The following PDE4DIP variants were observed in gnomAD, a reference collection of about 807,000 sequenced individuals.
The protein encoded by PDE4DIP is phosphodiesterase 4D interacting protein.
Under a neutral mutation model 221.4 loss-of-function variants are expected in PDE4DIP, and 59 were observed. The observed-to-expected ratio is 0.27, with a 90% CI of 0.22 to 0.33. The LOEUF (loss-of-function observed/expected upper bound fraction) is 0.33, where lower values mean the gene tolerates loss of function less well. Among genes scored for constraint, PDE4DIP ranks in the 10% least tolerant of loss-of-function variants. The pLI is 1.00. For missense variants in PDE4DIP, 1,036 were observed against 2,154.2 expected (o/e 0.48, Z 10.28); for synonymous variants, 404 against 815.9 (o/e 0.50, Z 8.60).
exon 5 of PDE4DIP, chr1:148,937,805 T>C: frequency 9.1e-7 from 1 of 1,101,944 alleles, no homozygotes; most frequent in Admixed American, 1.8e-5. Context: ...AGAACAGCTA[T>C]CTCGGGAGAA....
intron 21 of PDE4DIP, chr1:148,990,189 C>G (rs1323938507): frequency 1.0e-6 from 1 of 983,974 alleles, no homozygotes; most frequent in Admixed American, 6.2e-5. Flanking sequence ...TGAACTGCCC[C>G]CTCAAACATG....
intron 37 of PDE4DIP, among the ~76,000 whole-genome samples, chr1:149,023,532 T>C (rs1407935009): frequency 6.8e-6 from 1 of 147,516 alleles, no homozygotes; most frequent in Non-Finnish European, 1.5e-5. Flanking sequence ...GAGGTAAATA[T>C]ATATACATAT....
chr1:148,929,367 G>A (rs2047342030), intron 2 of PDE4DIP, 94 bp downstream of exon 5: 4 of 1,433,276 alleles, frequency 2.8e-6, no homozygotes, highest in Admixed American at 4.1e-5. Flanking sequence ...ACCTATCTGT[G>A]GCATTTGAAT....
Position 149,000,054 on chromosome 1 carries a change from T to C in PDE4DIP, c.3138-1537T>C, listed in dbSNP as rs1273212671. On this transcript the variant is annotated intron_variant, in intron 23 of 43. Transcript: ENST00000369354. ...AAAATACCTATCCCCTTTTTCTTTA[T>C]TGAGAAACTATCTCACAGATTGTCT... Among the ~76,000 whole-genome samples the C allele has an allele frequency of 3.9e-5, 6 of 152,028 alleles. No individual in the cohort carries two copies. The East Asian group carries it at 7.8e-4, about 20-fold the overall frequency.
Position 148,965,514 on chromosome 1 carries a change from G to A in PDE4DIP, c.1225G>A (p.Glu409Lys), listed in dbSNP as rs782682640. Residue 409 changes from glutamate to lysine, a missense_variant, in exon 10 of 44, where the codon GAA becomes AAA. Transcript: ENST00000369354. ...GCGAAAAGCCTTGCAGCAGCTACAA[G>A]AAGAATTGCAGAATAAGAGCCAACA... The A allele has an allele frequency of 1.9e-5, 31 of 1,613,434 alleles. 1 individual carries two copies. In the South Asian group the frequency reaches 3.3e-4, roughly 17 times the overall value.
At chr1:148,881,547 T>C (rs1459390001) in intron 3 of PDE4DIP, among the ~76,000 whole-genome samples, 8 of 141,492 alleles carry the variant, frequency 5.7e-5, no homozygotes, top group African/African-American at 2.3e-4. Flanking sequence ...CTTTAGTTTA[T>C]TCATCTTGAA....
chr1:149,007,217 A>T (rs148523430), exon 28 of PDE4DIP: 6 of 787,164 alleles, frequency 7.6e-6, no homozygotes, highest in Non-Finnish European at 8.9e-6. Flanking sequence ...TGATTCCCTG[A>T]TTCAGGATCA....
intron 19 of PDE4DIP, 49 bp downstream of exon 22, chr1:148,978,464 ATTC>A (rs2060564576): frequency 8.3e-7 from 1 of 1,206,776 alleles, no homozygotes; most frequent in Non-Finnish European, 1.2e-6. Context: ...ATTTTTTTGT[ATTC>A]TTTTTTTTTT....
chr1:148,970,113 G>A (rs1258745196), intron 14 of PDE4DIP, among the ~76,000 whole-genome samples: 13 of 150,862 alleles, frequency 8.6e-5, no homozygotes, highest in Admixed American at 2.0e-4. Context: ...CAGAATCCCC[G>A]TAGTCAGTTT....
Position 149,022,390 on chromosome 1 carries a change from A to T in PDE4DIP, c.6085+1237A>T, listed in dbSNP as rs371012320. On this transcript the variant is annotated intron_variant, in intron 37 of 43. Transcript: ENST00000369354. ...TTGAGGACATGAGAACTGGCTTCGGATATTTGAAGAAGTGTCAGGTGAAAA... is the reference window on the plus strand; with the variant it reads ...TTGAGGACATGAGAACTGGCTTCGGTTATTTGAAGAAGTGTCAGGTGAAAA... Among the ~76,000 whole-genome samples the T allele has an allele frequency of 6.4e-3, 970 of 150,646 alleles. 1 individual carries two copies. Among genetic ancestry groups the T allele is most frequent in the Middle Eastern group, 0.031 (9 of 292 alleles).
At chr1:149,010,065 T>C (rs1249598995) in intron 30 of PDE4DIP, among the ~76,000 whole-genome samples, 1 of 152,188 alleles carries the variant, frequency 6.6e-6, no homozygotes, top group Non-Finnish European at 1.5e-5. Flanking sequence ...CTCTTCTTCC[T>C]TGGTGACTCT....
exon 21 of PDE4DIP, chr1:148,981,319 T>C: frequency 1.2e-6 from 2 of 1,613,926 alleles, no homozygotes; most frequent in Non-Finnish European, 1.7e-6. Flanking sequence ...GGCTCAGGTG[T>C]TACGCAGTCG....
chr1:149,009,812 G>A, intron 30 of PDE4DIP, 21 bp downstream of exon 33: 1 of 1,480,928 alleles, frequency 6.8e-7, no homozygotes, highest in East Asian at 2.3e-5. Flanking sequence ...CTTTCTGGGT[G>A]GTACCATCTT....
chr1:148,975,703 A>G (rs2060045718), intron 17 of PDE4DIP, among the ~76,000 whole-genome samples: 1 of 151,988 alleles, frequency 6.6e-6, no homozygotes, highest in Admixed American at 6.5e-5. Context: ...TTGAAGAAAT[A>G]CTAGGACCAC....
intron 41 of PDE4DIP, 22 bp downstream of exon 44, chr1:149,028,725 T>G (rs782504574): frequency 2.7e-6 from 4 of 1,483,460 alleles, no homozygotes; most frequent in South Asian, 2.3e-5. Flanking sequence ...GTGCCCTTTC[T>G]TGGTTCAAAC....
chr1:148,913,618 CA>C (rs2043192718), intron 1 of PDE4DIP, among the ~76,000 whole-genome samples: 1 of 144,148 alleles, frequency 6.9e-6, no homozygotes, highest in South Asian at 2.3e-4. Context: ...AAGTAGACAC[CA>C]GGAGGACTCT....
intron 43 of PDE4DIP, chr1:149,031,241 C>G: frequency 1.0e-6 from 1 of 978,250 alleles, no homozygotes; most frequent in South Asian, 4.7e-5. Context: ...CAAAAAGTCT[C>G]TAGTATCCAC....
rs3916177 is a variant in PDE4DIP at position 148,919,412 on chromosome 1, T to G, written c.142-9785T>G. ...CACTAAGGCTTCATTTTTGCTCTAA[T>G]ACTTATGAATGGAGAGAAACTCCAT... is the stretch of plus-strand genomic sequence containing the variant. On this transcript the variant is annotated intron_variant, in intron 1 of 43. Coordinates refer to ENST00000369354, the Ensembl canonical transcript of PDE4DIP. 2.0e-5 allele frequency among the ~76,000 whole-genome samples: 3 copies of G among 150,558 alleles called. No homozygotes were observed. The South Asian group carries it at 6.3e-4, about 32-fold the overall frequency.
chr1:148,952,286 AGCCGGAAGC>A, intron 5 of PDE4DIP: 1 of 409,252 alleles, frequency 2.4e-6, no homozygotes, highest in Non-Finnish European at 3.1e-6. Context: ...GCATGCGCAG[AGCCGGAAGC>A]CCGCTGACCG....
Sources: allele counts gnomAD v4.1 joint callset (sites outside exome capture counted in the v4.1 genomes callset), GRCh38; gene constraint gnomAD v4.1.1; transcripts MANE v1.5; gene names NCBI Gene and HGNC (gene_info 2026-07-23, HGNC 2026-07-21).